TAF1A: variants seen among roughly 807,000 people sequenced by gnomAD.
TAF1A encodes the protein TATA box-binding protein-associated factor RNA polymerase I subunit A.
TAF1A carries 42 observed loss-of-function variants against 61.6 expected under a neutral mutation model. The observed-to-expected ratio is 0.68, with a 90% CI of 0.53 to 0.88. TAF1A has a LOEUF of 0.88. Among genes scored for constraint, TAF1A ranks in the 40% least tolerant of loss-of-function variants. The pLI is 0.00. For missense variants in TAF1A, 424 were observed against 518.7 expected (o/e 0.82, Z 1.77); for synonymous variants, 179 against 177.7 (o/e 1.01, Z -0.06).
chr1:222,554,599 TTTTAA>T (rs1178280882), downstream of TAF1A, among the ~76,000 whole-genome samples: 1 of 152,208 alleles, frequency 6.6e-6, no homozygotes, highest in African/African-American at 2.4e-5. Context: ...CTATCTGTTT[TTTTAA>T]TTTTTGTTGC....
chr1:222,581,428 T>C (rs950948927), intron 3 of TAF1A, among the ~76,000 whole-genome samples: 1 of 152,230 alleles, frequency 6.6e-6, no homozygotes, highest in African/African-American at 2.4e-5. Flanking sequence ...TAGTAAAACC[T>C]ATGAGACACT....
chr1:222,570,764 T>C lies in TAF1A; in HGVS notation c.605-99A>G. On this transcript the variant is annotated intron_variant, in intron 5 of 10. Coordinates refer to ENST00000352967, the MANE Select transcript of TAF1A (RefSeq NM_005681.4). ...CTATCTGCGAGAAAAACTCAGTTGCTGATAGCTACAACAGTAAATTCCAAC... is the reference window on the plus strand; with the variant it reads ...CTATCTGCGAGAAAAACTCAGTTGCCGATAGCTACAACAGTAAATTCCAAC... The C allele has an allele frequency of 3.5e-6, 4 of 1,153,518 alleles. No homozygotes were observed. In the South Asian group the frequency reaches 7.6e-5, roughly 22 times the overall value. The allele number at this position is 1,153,518 out of a possible 1,614,324, so 71.5% of individuals were successfully genotyped here. A position where few individuals can be genotyped will look rare whatever the true frequency, so the allele number is the denominator to read the frequency against.
chr1:222,570,119 C>T lies in TAF1A; in HGVS notation c.735+416G>A, dbSNP rs552711073. ...TTATTCCTAGTGCCTAGCACCAAGG[C>T]CCTCAGTCCTTTTACAATGACTCTG... is the stretch of plus-strand genomic sequence containing the variant. On this transcript the variant is annotated intron_variant, in intron 6 of 10. Coordinates refer to ENST00000352967, the MANE Select transcript of TAF1A (RefSeq NM_005681.4). 2.6e-5 allele frequency among the ~76,000 whole-genome samples: 4 copies of T among 152,314 alleles called. No homozygotes were observed. The South Asian group carries it at 8.3e-4, about 32-fold the overall frequency.
intron 8 of TAF1A, 125 bp from the exon 9 acceptor site, chr1:222,563,421 T>A: frequency 1.9e-6 from 2 of 1,051,094 alleles, no homozygotes; most frequent in Non-Finnish European, 2.7e-6. Context: ...AAATACTGAA[T>A]CATAAGCCTT....
intron 2 of TAF1A, among the ~76,000 whole-genome samples, chr1:222,587,443 C>T (rs1367667576): frequency 6.6e-6 from 1 of 151,696 alleles, no homozygotes; most frequent in African/African-American, 2.4e-5. Flanking sequence ...ATACTTAGAT[C>T]AAAAGAAAAA....
rs907620406 is a variant in TAF1A at position 222,558,570 on chromosome 1, C to T, written c.*90G>A. 1.9e-5 allele frequency: 10 copies of T among 530,636 alleles called. No individual in the cohort carries two copies. The highest frequency in any genetic ancestry group is 1.6e-4 in the African/African-American group (8 of 50,956). The allele number at this position is 530,636 out of a possible 1,614,324, so 32.9% of individuals were successfully genotyped here. On this transcript the variant is annotated 3_prime_UTR_variant, in exon 11 of 11. Coordinates refer to ENST00000352967, the MANE Select transcript of TAF1A (RefSeq NM_005681.4). ...AATAAGTTTTTTGTAGTAATATAAG[C>T]TTCTTAATACACTACATAAATACAT...
intron 7 of TAF1A, among the ~76,000 whole-genome samples, chr1:222,565,988 T>C (rs1660102494): frequency 6.6e-6 from 1 of 152,230 alleles, no homozygotes; most frequent in Admixed American, 6.5e-5. Context: ...ATAAAGATAA[T>C]TGGCCTTTTA....
intron 1 of TAF1A, 125 bp from the exon 2 acceptor site, chr1:222,588,690 T>C: frequency 1.0e-6 from 1 of 985,620 alleles, no homozygotes; most frequent in South Asian, 2.2e-5. Context: ...GCATTATACC[T>C]GTCAGCTCTT....
intron 10 of TAF1A, among the ~76,000 whole-genome samples, chr1:222,560,318 T>C (rs1266994087): frequency 2.0e-5 from 3 of 152,212 alleles, no homozygotes; most frequent in Admixed American, 1.3e-4. Flanking sequence ...CTGATATTTG[T>C]AGAGCACTTT....
chr1:222,565,295 C>T (rs1018624446), intron 7 of TAF1A, among the ~76,000 whole-genome samples: 3 of 152,190 alleles, frequency 2.0e-5, no homozygotes, highest in Admixed American at 2.0e-4. Context: ...ACCTTTCATC[C>T]TTTTTGTTCT....
At chr1:222,588,961 C>T (rs999391985) in intron 1 of TAF1A, among the ~76,000 whole-genome samples, 1 of 152,132 alleles carries the variant, frequency 6.6e-6, no homozygotes, top group Admixed American at 6.5e-5. Context: ...CTAATTTAAT[C>T]CCCACAGCAA....
intron 7 of TAF1A, among the ~76,000 whole-genome samples, chr1:222,565,111 G>C (rs910488840): frequency 1.3e-5 from 2 of 152,168 alleles, no homozygotes; most frequent in African/African-American, 4.8e-5. Flanking sequence ...CAGAACACTA[G>C]AAATCCTCCA....
At chr1:222,582,187 C>A (rs1030662636) in intron 3 of TAF1A, among the ~76,000 whole-genome samples, 1 of 152,160 alleles carries the variant, frequency 6.6e-6, no homozygotes, top group Non-Finnish European at 1.5e-5. Flanking sequence ...CCACCTGTTT[C>A]AGGAGATGAA....
intron 9 of TAF1A, among the ~76,000 whole-genome samples, chr1:222,561,754 G>A (rs973618287): frequency 2.0e-5 from 3 of 152,148 alleles, no homozygotes; most frequent in Admixed American, 2.0e-4. Context: ...GTTTAGCACA[G>A]TGGTTACAGA....
chr1:222,577,722 C>G, intron 4 of TAF1A, 79 bp from the exon 5 acceptor site: 1 of 1,287,060 alleles, frequency 7.8e-7, no homozygotes, highest in Non-Finnish European at 1.1e-6. Context: ...ATATATAATA[C>G]ATGCTGGGCA....
chr1:222,586,246 C>T (rs183918221), intron 2 of TAF1A, among the ~76,000 whole-genome samples: 1 of 152,320 alleles, frequency 6.6e-6, no homozygotes, highest in East Asian at 1.9e-4. Context: ...AGCTGCTCGG[C>T]ATCAGTGGCA....
chr1:222,566,266 T>C lies in TAF1A; in HGVS notation c.895-2141A>G, dbSNP rs532785181. Among the ~76,000 whole-genome samples, 4 of 152,196 alleles carry C rather than the reference T, an allele frequency of 2.6e-5. No homozygotes were observed. In the South Asian group the frequency reaches 6.2e-4, roughly 24 times the overall value. ...AGGGAAATGCAAACCAAAACCACACTGAGACACAGATACCACTTCACACCC... is the reference window on the plus strand; with the variant it reads ...AGGGAAATGCAAACCAAAACCACACCGAGACACAGATACCACTTCACACCC... On this transcript the variant is annotated intron_variant, in intron 7 of 10. Coordinates refer to ENST00000352967, the MANE Select transcript of TAF1A (RefSeq NM_005681.4).
chr1:222,584,156 T>C lies in TAF1A; in HGVS notation c.263A>G (p.Asp88Gly), dbSNP rs1339851800. Residue 88 changes from aspartate (D) to glycine (G), a missense_variant, in exon 3 of 11, where the codon GAT becomes GGT. By Grantham distance (94) the Asp-to-Gly change is moderately conservative. Transcript: ENST00000352967. Reference protein sequence around the residue: ...YSYFQTLEDSDSYKRQAAPEI... With the variant: ...YSYFQTLEDSGSYKRQAAPEI... Reference sequence around the variant, plus strand: ...AGGTGCAGCCTGCCTTTTGTAGCTATCTGAATCTTCCAAGGTCTGAAAATA... The same window carrying C: ...AGGTGCAGCCTGCCTTTTGTAGCTACCTGAATCTTCCAAGGTCTGAAAATA... 6.2e-7 allele frequency: 1 copy of C among 1,610,548 alleles called. No homozygotes were observed. Among genetic ancestry groups the C allele is most frequent in the South Asian group, 1.1e-5 (1 of 90,298 alleles).
At chr1:222,570,698 T>G (rs1660315381) in intron 5 of TAF1A, 33 bp from the exon 6 acceptor site, 2 of 1,539,328 alleles carry the variant, frequency 1.3e-6, no homozygotes, top group Non-Finnish European at 8.8e-7. Context: ...TTAACATTCA[T>G]TAAACATTGA....
Sources: allele counts gnomAD v4.1 joint callset (sites outside exome capture counted in the v4.1 genomes callset), GRCh38; gene constraint gnomAD v4.1.1; transcripts MANE v1.5; gene names NCBI Gene and HGNC (gene_info 2026-07-23, HGNC 2026-07-21).